MOB1B: variants seen among roughly 807,000 people sequenced by gnomAD.
MOB1B encodes the protein MOB1 Mps One Binder homolog B.
Under a neutral mutation model 24.4 loss-of-function variants are expected in MOB1B, and 19 were observed. The ratio of observed to expected loss-of-function variants is 0.78; its 90% CI spans 0.54 to 1.14. The LOEUF (loss-of-function observed/expected upper bound fraction) is 1.14, where lower values mean the gene tolerates loss of function less well. MOB1B is among the 50% of genes most tolerant of loss of function. The pLI is 0.00. For synonymous variants in MOB1B, 76 were observed against 82.1 expected, an observed-to-expected ratio of 0.93 and a Z score of 0.40; for missense variants, 243 against 259.6, an observed-to-expected ratio of 0.94 and a Z score of 0.44.
intron 1 of MOB1B, among the ~76,000 whole-genome samples, chr4:70,904,370 TTTGA>T (rs1421433305): frequency 2.0e-5 from 3 of 152,092 alleles, no homozygotes; most frequent in Non-Finnish European, 4.4e-5. Flanking sequence ...ATTGCTAATG[TTTGA>T]TTGTTTTCAA....
At chr4:70,923,438 A>G (rs1736517332) in intron 1 of MOB1B, among the ~76,000 whole-genome samples, 1 of 152,138 alleles carries the variant, frequency 6.6e-6, no homozygotes, top group South Asian at 2.1e-4. Context: ...CCTGGGCTCA[A>G]GCGAACTGCC....
intron 1 of MOB1B, among the ~76,000 whole-genome samples, chr4:70,904,869 T>C (rs946216184): frequency 6.6e-6 from 1 of 152,142 alleles, no homozygotes; most frequent in African/African-American, 2.4e-5. Context: ...TAGAATCCTA[T>C]TTTTACATGG....
chr4:70,964,382 T>C (rs1239734000), intron 2 of MOB1B, among the ~76,000 whole-genome samples: 1 of 152,126 alleles, frequency 6.6e-6, no homozygotes, highest in Non-Finnish European at 1.5e-5. Flanking sequence ...AAAGCAGTAA[T>C]AAACAGAAAT....
chr4:70,904,293 G>A (rs982349604), intron 1 of MOB1B, among the ~76,000 whole-genome samples: 6 of 151,776 alleles, frequency 4.0e-5, no homozygotes, highest in Non-Finnish European at 7.4e-5. Context: ...GCAGTTTCTT[G>A]TTTTAGTTCT....
intron 1 of MOB1B, among the ~76,000 whole-genome samples, chr4:70,938,918 C>T (rs1737206712): frequency 6.6e-6 from 1 of 151,988 alleles, no homozygotes; most frequent in Non-Finnish European, 1.5e-5. Flanking sequence ...GCTGGGATTA[C>T]AGGCACCTGC....
At chr4:70,960,735 T>C (rs184345987) in intron 2 of MOB1B, among the ~76,000 whole-genome samples, 2 of 152,368 alleles carry the variant, frequency 1.3e-5, no homozygotes, top group African/African-American at 4.8e-5. Context: ...ATTTCTAAGA[T>C]GTTTCTGTGT....
rs1344494828 is a variant in MOB1B, at chr4:70,987,796, A to G, written c.*5739A>G. The G allele has an allele frequency of 9.2e-5, 14 of 152,612 alleles. No individual in the cohort carries two copies. The highest frequency in any genetic ancestry group is 2.9e-5 in the Non-Finnish European group (2 of 68,026). 9.5% of individuals were successfully genotyped at this position (152,612 alleles called of 1,614,324 possible). ...ATAAGGGCGGCATTTACACTGTGCAAGTATTGAGAAGAGTGCATAAAGACA... is the reference window on the plus strand; with the variant it reads ...ATAAGGGCGGCATTTACACTGTGCAGGTATTGAGAAGAGTGCATAAAGACA... On this transcript the variant is annotated 3_prime_UTR_variant, in exon 6 of 6. Transcript: ENST00000309395.
At chr4:70,965,019 T>C (rs1738455962) in intron 2 of MOB1B, among the ~76,000 whole-genome samples, 1 of 151,462 alleles carries the variant, frequency 6.6e-6, no homozygotes, top group Non-Finnish European at 1.5e-5. Context: ...GGAATTGGGC[T>C]CGGCGTGGTA....
rs1738184521 is a variant in MOB1B at position 70,958,944 on chromosome 4, T to C, written c.85T>C (p.Leu29=). The change falls in exon 2 of 6, where the codon TTA becomes CTA. Residue 29 remains leucine, a synonymous_variant. Transcript: ENST00000309395. ...AGAGGGTTCTCACCAGTATGAGCTC[T>C]TAAAACACGCAGAAGCCACACTTGG... is the stretch of plus-strand genomic sequence containing the variant. The part of the protein sequence containing the change: ...IPEGSHQYEL[L]KHAEATLGSG... 6.2e-7 allele frequency: 1 copy of C among 1,614,056 alleles called. No homozygotes were observed. The highest frequency in any genetic ancestry group is 8.5e-7 in the Non-Finnish European group (1 of 1,180,032).
intron 2 of MOB1B, among the ~76,000 whole-genome samples, chr4:70,960,588 T>C (rs991620302): frequency 2.0e-5 from 3 of 152,196 alleles, no homozygotes; most frequent in Non-Finnish European, 4.4e-5. Context: ...GGGGATTTTA[T>C]TGTGATGTCT....
At chr4:70,910,774 A>G (rs546653058) in intron 1 of MOB1B, among the ~76,000 whole-genome samples, 2 of 151,988 alleles carry the variant, frequency 1.3e-5, no homozygotes, top group Non-Finnish European at 1.5e-5. Context: ...GTATTTAGGG[A>G]TAAAGTTCTG....
At chr4:70,945,522 C>G (rs920556211) in intron 1 of MOB1B, among the ~76,000 whole-genome samples, 4 of 152,152 alleles carry the variant, frequency 2.6e-5, no homozygotes, top group Non-Finnish European at 5.9e-5. Context: ...TTGAACCTAT[C>G]ATGATTAGGC....
At chr4:70,981,323 G>C (rs2148905426) in intron 5 of MOB1B, among the ~76,000 whole-genome samples, 1 of 152,282 alleles carries the variant, frequency 6.6e-6, no homozygotes, top group Non-Finnish European at 1.5e-5. Context: ...CAGAAGTGTA[G>C]ACAAGCCTCT....
In MOB1B at chr4:70,982,077, A is replaced by G. The variant is rs1452484699; in HGVS notation, c.*20A>G. 1.3e-6 allele frequency: 2 copies of G among 1,569,084 alleles called. No individual in the cohort carries two copies. Among genetic ancestry groups the G allele is most frequent in the South Asian group, 1.1e-5 (1 of 89,618 alleles). ...AGATAAAAGGATGCAGAGCTGTGCA[A>G]ATTGTTCCTCAAATGAAGCAGTGTG... On this transcript the variant is annotated 3_prime_UTR_variant, in exon 6 of 6. Coordinates refer to ENST00000309395, the MANE Select transcript of MOB1B (RefSeq NM_173468.4).
chr4:70,912,326 C>G (rs528818808), intron 1 of MOB1B, among the ~76,000 whole-genome samples: 1 of 150,216 alleles, frequency 6.7e-6, no homozygotes, highest in Non-Finnish European at 1.5e-5. Context: ...GTCTCCCAGG[C>G]TGGAGTGCAG....
intron 1 of MOB1B, among the ~76,000 whole-genome samples, chr4:70,938,000 A>G (rs747837339): frequency 4.0e-5 from 6 of 151,264 alleles, no homozygotes; most frequent in East Asian, 3.9e-4. Context: ...TTTTTTTCCT[A>G]TCGCTAAAGA....
At chr4:70,968,870 G>C (rs1738645416) in intron 2 of MOB1B, among the ~76,000 whole-genome samples, 3 of 152,114 alleles carry the variant, frequency 2.0e-5, no homozygotes, top group South Asian at 2.1e-4. Flanking sequence ...CCATTCTCTT[G>C]CCTCAGCCTC....
At chr4:70,951,878 A>C (rs1339123916) in intron 1 of MOB1B, among the ~76,000 whole-genome samples, 3 of 152,234 alleles carry the variant, frequency 2.0e-5, no homozygotes. Flanking sequence ...AACAAACAAA[A>C]AAACAAAGCA....
intron 1 of MOB1B, among the ~76,000 whole-genome samples, chr4:70,903,674 T>A (rs1735616108): frequency 6.6e-6 from 1 of 152,238 alleles, no homozygotes; most frequent in Admixed American, 6.5e-5. Flanking sequence ...TAATTTTTAG[T>A]CATTACATTG....
Sources: gnomAD v4.1 joint callset for allele counts (sites outside exome capture counted in the v4.1 genomes callset) on GRCh38, gnomAD v4.1.1 for gene constraint, MANE v1.5 for transcripts, NCBI Gene and HGNC (gene_info 2026-07-23, HGNC 2026-07-21) for gene names.